Variants in DGKI observed in about 807,000 individuals in gnomAD.
The protein encoded by DGKI is DAG kinase iota.
Under a neutral mutation model 147.5 loss-of-function variants are expected in DGKI, and 55 were observed. The observed-to-expected ratio is 0.37, with a 90% CI of 0.30 to 0.47. The LOEUF (loss-of-function observed/expected upper bound fraction) is 0.47, where lower values mean the gene tolerates loss of function less well. Ranked by LOEUF, DGKI falls within the 20% of genes least tolerant of loss-of-function variation. DGKI has a pLI of 1.00. For synonymous variants in DGKI, 469 were observed against 477.1 expected, an observed-to-expected ratio of 0.98 and a Z score of 0.22; for missense variants, 1,007 against 1,323.8, an observed-to-expected ratio of 0.76 and a Z score of 3.71.
intron 3 of DGKI, among the ~76,000 whole-genome samples, chr7:137,668,581 C>T (rs921908245): frequency 6.6e-6 from 1 of 152,172 alleles, no homozygotes; most frequent in Admixed American, 6.5e-5. Flanking sequence ...CACTTATCCT[C>T]AGTGTGGGGA....
At chr7:137,583,588 A>G (rs1462264972) in intron 14 of DGKI, among the ~76,000 whole-genome samples, 2 of 151,890 alleles carry the variant, frequency 1.3e-5, no homozygotes, top group African/African-American at 4.8e-5. Context: ...CTCTTTAAAA[A>G]CCCATTTTAA....
intron 27 of DGKI, among the ~76,000 whole-genome samples, chr7:137,453,943 A>G (rs540864167): frequency 1.3e-5 from 2 of 149,536 alleles, no homozygotes; most frequent in East Asian, 4.0e-4. Context: ...TTTTTTAAAT[A>G]GATTCCTATA....
chr7:137,525,547 G>A (rs1009775682), intron 20 of DGKI, among the ~76,000 whole-genome samples: 1 of 152,126 alleles, frequency 6.6e-6, no homozygotes, highest in Admixed American at 6.6e-5. Flanking sequence ...AGATTGCCTG[G>A]ATTTGAAGTA....
At chr7:137,475,631 C>T (rs1815143787) in intron 23 of DGKI, among the ~76,000 whole-genome samples, 1 of 152,088 alleles carries the variant, frequency 6.6e-6, no homozygotes, top group Non-Finnish European at 1.5e-5. Context: ...CAATGAAATG[C>T]AAGGCATGTG....
At chr7:137,601,619 C>T (rs1819994360) in intron 10 of DGKI, among the ~76,000 whole-genome samples, 1 of 152,182 alleles carries the variant, frequency 6.6e-6, no homozygotes, top group Non-Finnish European at 1.5e-5. Flanking sequence ...TGTCCACCTT[C>T]CAGGGTGAGT....
chr7:137,497,364 A>G (rs1184010103), intron 21 of DGKI, among the ~76,000 whole-genome samples: 1 of 152,190 alleles, frequency 6.6e-6, no homozygotes, highest in Non-Finnish European at 1.5e-5. Context: ...TATTGCAGCC[A>G]TTGTGGAAAG....
intron 27 of DGKI, among the ~76,000 whole-genome samples, chr7:137,462,808 G>C (rs1814499763): frequency 6.6e-6 from 1 of 152,226 alleles, no homozygotes; most frequent in South Asian, 2.1e-4. Context: ...AGGTGCGCAT[G>C]AGTGTATCTG....
chr7:137,482,946 T>C (rs1815421577), intron 23 of DGKI, among the ~76,000 whole-genome samples: 1 of 152,102 alleles, frequency 6.6e-6, no homozygotes, highest in African/African-American at 2.4e-5. Context: ...TTCGTTATCC[T>C]AGATGTTCAG....
At chr7:137,794,918 A>G (rs577434307) in intron 1 of DGKI, among the ~76,000 whole-genome samples, 1 of 152,254 alleles carries the variant, frequency 6.6e-6, no homozygotes, top group Admixed American at 6.5e-5. Flanking sequence ...GGAGACAAGC[A>G]TCAGACTTCA....
chr7:137,558,295 T>C (rs1563084375), intron 19 of DGKI, among the ~76,000 whole-genome samples: 2 of 152,206 alleles, frequency 1.3e-5, no homozygotes, highest in South Asian at 4.1e-4. Flanking sequence ...TTTATTTATG[T>C]TTGAGATGGA....
intron 23 of DGKI, among the ~76,000 whole-genome samples, chr7:137,470,125 G>C (rs1814823800): frequency 6.6e-6 from 1 of 152,196 alleles, no homozygotes; most frequent in African/African-American, 2.4e-5. Flanking sequence ...GCATACTGAG[G>C]TCATCTCTAA....
intron 1 of DGKI, among the ~76,000 whole-genome samples, chr7:137,776,122 T>C (rs1796354587): frequency 6.6e-6 from 1 of 152,160 alleles, no homozygotes; most frequent in Non-Finnish European, 1.5e-5. Context: ...CCTCCCAAAG[T>C]GCTAAGATTA....
intron 20 of DGKI, among the ~76,000 whole-genome samples, chr7:137,542,194 G>C (rs1441359284): frequency 6.6e-6 from 1 of 152,140 alleles, no homozygotes; most frequent in Admixed American, 6.5e-5. Context: ...GACCATTCTG[G>C]AAAACAGTTT....
chr7:137,703,544 T>C (rs1351179843), intron 1 of DGKI, among the ~76,000 whole-genome samples: 4 of 152,184 alleles, frequency 2.6e-5, no homozygotes, highest in South Asian at 2.1e-4. Context: ...CCACAATTCA[T>C]ACAGAGCCAC....
chr7:137,590,103 G>A (rs966116819), intron 12 of DGKI, among the ~76,000 whole-genome samples: 3 of 152,192 alleles, frequency 2.0e-5, no homozygotes, highest in African/African-American at 7.2e-5. Flanking sequence ...TGGGGTAAAG[G>A]CTTGGATCAG....
intron 28 of DGKI, among the ~76,000 whole-genome samples, chr7:137,439,274 G>A (rs2050190837): frequency 6.6e-6 from 1 of 152,184 alleles, no homozygotes; most frequent in Non-Finnish European, 1.5e-5. Context: ...GCCACAGTGT[G>A]TTTCACTGCA....
At chr7:137,637,624 C>G (rs1005759082) in intron 6 of DGKI, among the ~76,000 whole-genome samples, 1 of 152,122 alleles carries the variant, frequency 6.6e-6, no homozygotes, top group Admixed American at 6.5e-5. Context: ...TTAATCCTGC[C>G]CTATAGGGAG....
chr7:137,844,769 C>A (rs146559882), intron 1 of DGKI, among the ~76,000 whole-genome samples: 1 of 152,174 alleles, frequency 6.6e-6, no homozygotes, highest in Non-Finnish European at 1.5e-5. Context: ...CAGAGAATGA[C>A]CCCTGACAAG....
At chr7:137,620,384 A>G (rs1036174638) in intron 7 of DGKI, among the ~76,000 whole-genome samples, 5 of 152,146 alleles carry the variant, frequency 3.3e-5, no homozygotes, top group African/African-American at 9.7e-5. Context: ...TTGATCTAAG[A>G]TAACGTTAAG....
Sources: allele counts gnomAD v4.1 joint callset (sites outside exome capture counted in the v4.1 genomes callset), GRCh38; gene constraint gnomAD v4.1.1; transcripts MANE v1.5; gene names NCBI Gene and HGNC (gene_info 2026-07-23, HGNC 2026-07-21).